Variants in RASEF observed in about 807,000 individuals in gnomAD.
RASEF encodes the protein ras and EF-hand domain-containing protein.
RASEF carries 68 observed loss-of-function variants against 90.1 expected under a neutral mutation model. That is an observed-to-expected ratio of 0.75 (90% confidence interval 0.62 to 0.92). RASEF has a LOEUF of 0.92. Ranked by LOEUF, RASEF falls within the 40% of genes least tolerant of loss-of-function variation. The pLI is 0.00. For missense variants in RASEF, 949 were observed against 937.2 expected, an observed-to-expected ratio of 1.01 and a Z score of -0.16; for synonymous variants, 331 against 345.2, an observed-to-expected ratio of 0.96 and a Z score of 0.46.
At chr9:83,076,037 A>C in the RASEF span, among the ~76,000 whole-genome samples, 1 of 151,994 alleles carries the variant, frequency 6.6e-6, no homozygotes, top group Non-Finnish European at 1.5e-5. Context: ...GCGTGGTGGC[A>C]CGTGCCTGTA....
At chr9:83,189,808 T>A in the RASEF span, among the ~76,000 whole-genome samples, 83 of 152,330 alleles carry the variant, frequency 5.4e-4, no homozygotes, top group Admixed American at 4.0e-3. Context: ...CTACAGCCTG[T>A]CCCTTTGTTT....
chr9:83,152,461 A>G, the RASEF span, among the ~76,000 whole-genome samples: 1 of 152,138 alleles, frequency 6.6e-6, no homozygotes, highest in South Asian at 2.1e-4. Context: ...GAAAGAGACC[A>G]CATCTTGGTG....
At position 83,062,853 on chromosome 9, in the gene RASEF, C is replaced by T; in HGVS notation, c.15G>A (p.Gly5=). MEAD[G]DGEELARLRS... Reference sequence around the variant, plus strand: ...GCAGCCGGGCCAGCTCCTCTCCGTCCCCATCCGCCTCCATCCCGCCTGGCG... The same window carrying T: ...GCAGCCGGGCCAGCTCCTCTCCGTCTCCATCCGCCTCCATCCCGCCTGGCG... Residue 5 remains glycine, a synonymous_variant, in exon 1 of 17, where the codon GGG becomes GGA. Coordinates refer to ENST00000376447, the MANE Select transcript of RASEF (RefSeq NM_152573.4). The T allele has an allele frequency of 2.0e-6, 3 of 1,527,980 alleles. No homozygotes were observed. The highest frequency in any genetic ancestry group is 2.4e-5 in the South Asian group (2 of 82,378). The allele number at this position is 1,527,980 out of a possible 1,614,324, so 94.7% of individuals were successfully genotyped here.
chr9:83,041,144 C>T (rs923971739), intron 1 of RASEF, among the ~76,000 whole-genome samples: 49 of 152,150 alleles, frequency 3.2e-4, no homozygotes, highest in Non-Finnish European at 2.8e-4. Flanking sequence ...TACAGGCATG[C>T]GCCACCGTGC....
chr9:83,195,565 C>T, the RASEF span, among the ~76,000 whole-genome samples: 2 of 152,142 alleles, frequency 1.3e-5, no homozygotes, highest in African/African-American at 4.8e-5. Context: ...ACTAGCGATA[C>T]AGCAGTGGAA....
At chr9:83,041,845 G>A (rs1227422922) in intron 1 of RASEF, among the ~76,000 whole-genome samples, 1 of 152,118 alleles carries the variant, frequency 6.6e-6, no homozygotes, top group African/African-American at 2.4e-5. Context: ...TCCTGCCACT[G>A]GTCCACTTTT....
At chr9:83,083,394 T>C in the RASEF span, among the ~76,000 whole-genome samples, 6 of 152,162 alleles carry the variant, frequency 3.9e-5, no homozygotes, top group Non-Finnish European at 8.8e-5. Flanking sequence ...CCATATTCTA[T>C]CATAAAATGT....
At chr9:83,070,475 G>A in the RASEF span, among the ~76,000 whole-genome samples, 4 of 151,834 alleles carry the variant, frequency 2.6e-5, no homozygotes, top group African/African-American at 9.7e-5. Context: ...CCTTTCTATT[G>A]ACTTTTCATC....
At chr9:83,213,132 G>A in the RASEF span, among the ~76,000 whole-genome samples, 1 of 151,432 alleles carries the variant, frequency 6.6e-6, no homozygotes, top group African/African-American at 2.4e-5. Context: ...AGGCACAGTG[G>A]CTCACATCTG....
chr9:83,002,124 AC>A (rs1345200563), intron 9 of RASEF, among the ~76,000 whole-genome samples: 1 of 152,068 alleles, frequency 6.6e-6, no homozygotes, highest in Admixed American at 6.6e-5. Context: ...CACCCACTAC[AC>A]CCTGGGCACC....
chr9:83,131,695 G>A, the RASEF span, among the ~76,000 whole-genome samples: 12 of 152,210 alleles, frequency 7.9e-5, 2 homozygotes, highest in Admixed American at 6.5e-5. Flanking sequence ...ACAGTCATTG[G>A]CACTGATGTA....
the RASEF span, among the ~76,000 whole-genome samples, chr9:83,097,726 G>A: frequency 1.3e-5 from 2 of 152,166 alleles, no homozygotes; most frequent in Non-Finnish European, 2.9e-5. Context: ...CAGTTAGAAT[G>A]GACTTGTTTT....
intron 16 of RASEF, among the ~76,000 whole-genome samples, chr9:82,985,087 C>G (rs755695395): frequency 2.6e-5 from 4 of 152,122 alleles, no homozygotes; most frequent in Admixed American, 2.0e-4. Flanking sequence ...TTTGCTGTGT[C>G]TACAGATTAT....
At chr9:83,215,509 G>A in the RASEF span, among the ~76,000 whole-genome samples, 2 of 152,188 alleles carry the variant, frequency 1.3e-5, no homozygotes, top group Non-Finnish European at 2.9e-5. Context: ...GCTCCCCCTT[G>A]TCAGGGGCAA....
At chr9:83,040,996 G>A (rs1353149269) in intron 1 of RASEF, among the ~76,000 whole-genome samples, 1 of 152,200 alleles carries the variant, frequency 6.6e-6, no homozygotes, top group Admixed American at 6.5e-5. Context: ...AAGTGGCTGG[G>A]ATTACAGGCA....
the RASEF span, among the ~76,000 whole-genome samples, chr9:83,187,237 C>T: frequency 3.9e-5 from 6 of 152,126 alleles, no homozygotes; most frequent in African/African-American, 9.7e-5. Context: ...TCCTGTCTGG[C>T]GTGCCCCACC....
At chr9:83,211,020 C>T in the RASEF span, among the ~76,000 whole-genome samples, 1 of 152,192 alleles carries the variant, frequency 6.6e-6, no homozygotes, top group Non-Finnish European at 1.5e-5. Flanking sequence ...CCAGCAAAAA[C>T]AGGAAAGTAA....
chr9:83,039,475 G>T (rs1426981681), intron 1 of RASEF, among the ~76,000 whole-genome samples: 2 of 152,178 alleles, frequency 1.3e-5, no homozygotes, highest in Admixed American at 6.5e-5. Context: ...TCTGCGACAG[G>T]CTCAGAACTC....
chr9:83,217,967 T>C, the RASEF span, among the ~76,000 whole-genome samples: 1 of 149,788 alleles, frequency 6.7e-6, no homozygotes, highest in Non-Finnish European at 1.5e-5. Flanking sequence ...TCACTGTCTT[T>C]TGCTCTTTAT....
Sources: allele counts gnomAD v4.1 joint callset (sites outside exome capture counted in the v4.1 genomes callset), GRCh38; gene constraint gnomAD v4.1.1; transcripts MANE v1.5; gene names NCBI Gene and HGNC (gene_info 2026-07-23, HGNC 2026-07-21).